ANPEP: variants seen among roughly 807,000 people sequenced by gnomAD.
The protein encoded by ANPEP is alanyl aminopeptidase, membrane.
Under a neutral mutation model 114.6 loss-of-function variants are expected in ANPEP, and 70 were observed. The observed-to-expected ratio is 0.61, with a 90% CI of 0.50 to 0.75. The LOEUF (loss-of-function observed/expected upper bound fraction) is 0.75, where lower values mean the gene tolerates loss of function less well. Among genes scored for constraint, ANPEP ranks in the 30% least tolerant of loss-of-function variants. The pLI is 0.00. For synonymous variants in ANPEP, 548 were observed against 522.3 expected, an observed-to-expected ratio of 1.05 and a Z score of -0.67; for missense variants, 1,184 against 1,259.5, an observed-to-expected ratio of 0.94 and a Z score of 0.91.
chr15:89,804,100 G>A (rs55977698), intron 6 of ANPEP, 98 bp from the exon 7 acceptor site: 115,438 of 1,545,588 alleles, frequency 0.075, 4,869 homozygotes, highest in Non-Finnish European at 0.085. Context: ...GCCAGGCACA[G>A]TGGGGATTTC....
At chr15:89,787,566 G>A (rs917399371) in intron 20 of ANPEP, among the ~76,000 whole-genome samples, 3 of 152,190 alleles carry the variant, frequency 2.0e-5, no homozygotes, top group African/African-American at 7.2e-5. Flanking sequence ...TGAGTGAAAA[G>A]ACAGTCCATA....
chr15:89,790,351 G>T, intron 20 of ANPEP, 109 bp downstream of exon 20: 1 of 917,260 alleles, frequency 1.1e-6, no homozygotes, highest in Non-Finnish European at 1.7e-6. Context: ...AGGAAGGCCT[G>T]GCGGCGTGGA....
intron 2 of ANPEP, 24 bp downstream of exon 2, chr15:89,805,946 C>T: frequency 3.2e-6 from 5 of 1,565,612 alleles, no homozygotes; most frequent in Non-Finnish European, 4.3e-6. Flanking sequence ...ATCCACCCCA[C>T]CGGGCAGCCC....
At chr15:89,786,930 G>A (rs555797784) in intron 20 of ANPEP, among the ~76,000 whole-genome samples, 13 of 151,894 alleles carry the variant, frequency 8.6e-5, no homozygotes, top group South Asian at 4.2e-4. Flanking sequence ...TTGGACAACC[G>A]GATATCCACA....
chr15:89,788,443 T>A lies in ANPEP; in HGVS notation c.2751+2017A>T, dbSNP rs139537400. On this transcript the variant is annotated intron_variant, in intron 20 of 20. Coordinates refer to ENST00000300060, the MANE Select transcript of ANPEP (RefSeq NM_001150.3). ...GTAATAAATCCATAGAGACAGAAAG[T>A]ATATTAGTGGTTGCCAGGGGCTGAG... is the stretch of plus-strand genomic sequence containing the variant. Among the ~76,000 whole-genome samples the A allele has an allele frequency of 2.2e-4, 33 of 152,206 alleles. No individual in the cohort carries two copies. In the East Asian group the frequency reaches 6.4e-3, roughly 29 times the overall value.
In ANPEP at chr15:89,803,293, G is replaced by A. The variant is rs200253292; in HGVS notation, c.1515C>T (p.His505=). ...VFKQGLASYL[H]TFAYQNTIYL... is the part of the protein sequence containing the mutation. Reference sequence around the variant, plus strand: ...AGATGGTGTTCTGGTAGGCAAAGGTGTGGAGGTAGGACTGTGGAAAGACGG... The same window carrying A: ...AGATGGTGTTCTGGTAGGCAAAGGTATGGAGGTAGGACTGTGGAAAGACGG... The change falls in exon 10 of 21, where the codon CAC becomes CAT. Residue 505 remains histidine (H), a synonymous_variant. Coordinates refer to ENST00000300060, the MANE Select transcript of ANPEP (RefSeq NM_001150.3). The surrounding 1 kb of genome is among the most constrained non-coding windows in gnomAD (Gnocchi z 4.2). The A allele has an allele frequency of 9.9e-6, 16 of 1,614,028 alleles. No homozygotes were observed. In the South Asian group the frequency reaches 1.3e-4, roughly 13 times the overall value.
At chr15:89,790,647 C>A (rs991298695) in intron 19 of ANPEP, 106 bp from the exon 20 acceptor site, 33 of 1,061,908 alleles carry the variant, frequency 3.1e-5, no homozygotes, top group Non-Finnish European at 4.7e-5. Context: ...GATGAAATGA[C>A]ACGCCCTGGG....
At chr15:89,796,281 CAT>C (rs758873300) in intron 15 of ANPEP, among the ~76,000 whole-genome samples, 5 of 152,188 alleles carry the variant, frequency 3.3e-5, no homozygotes, top group Admixed American at 6.5e-5. Flanking sequence ...AAAAAGGAAA[CAT>C]AAACATAGTG....
Position 89,805,186 on chromosome 15 carries a change from G to T in ANPEP, c.789C>A (p.Asn263Lys), listed in dbSNP as rs769028199. Reference protein sequence around the residue: ...GPSTPLPEDPNWNVTEFHTTP... With the variant: ...GPSTPLPEDPKWNVTEFHTTP... ...TGGTGTGGAACTCAGTGACATTCCAGTTGGGGTCTTCTGGAAGTGGGGTGC... is the reference window on the plus strand; with the variant it reads ...TGGTGTGGAACTCAGTGACATTCCATTTGGGGTCTTCTGGAAGTGGGGTGC... Residue 263 changes from asparagine to lysine, a missense_variant, in exon 4 of 21, where the codon AAC (asparagine) becomes AAA (lysine). Physicochemically the swap from Asn to Lys is moderately conservative, Grantham distance 94. Coordinates refer to ENST00000300060, the MANE Select transcript of ANPEP (RefSeq NM_001150.3). 1.9e-6 allele frequency: 3 copies of T among 1,614,232 alleles called. No individual in the cohort carries two copies. The highest frequency in any genetic ancestry group is 2.5e-6 in the Non-Finnish European group (3 of 1,180,042).
Position 89,804,311 on chromosome 15 carries a change from GAGGACAGGGGGTCGA to G in ANPEP, c.1106_1120del (p.Phe369_Ser373del), listed in dbSNP as rs1337584072. ...CACCCGCTCCTTGTTGCTGCTGGAG[GAGGACAGGGGGTCGA>G]ACAGCAGGGAGTTCTCCCGGTAGGT... On this transcript the variant is annotated inframe_deletion, in exon 6 of 21. Transcript: ENST00000300060. The G allele has an allele frequency of 1.9e-6, 3 of 1,614,070 alleles. No homozygotes were observed. Among genetic ancestry groups the G allele is most frequent in the Non-Finnish European group, 1.7e-6 (2 of 1,180,038 alleles).
At position 89,803,424 on chromosome 15, in the gene ANPEP, C is replaced by T. The variant is rs1354759576; in HGVS notation, c.1503+18G>A. On this transcript the variant is annotated intron_variant, in intron 9 of 20. Transcript: ENST00000300060. This position sits in a 1 kb window ranked among gnomAD's most constrained non-coding sequence, Gnocchi z 4.2. ...AAGGAGACCCACCCTCATGGCTGGC[C>T]CAGGGTGCAGTACTCACCGCCAGGC... The T allele has an allele frequency of 6.2e-7, 1 of 1,609,252 alleles. No homozygotes were observed. Among genetic ancestry groups the T allele is most frequent in the Admixed American group, 1.7e-5 (1 of 58,890 alleles).
intron 1 of ANPEP, among the ~76,000 whole-genome samples, chr15:89,807,317 C>T (rs1894735440): frequency 6.6e-6 from 1 of 152,254 alleles, no homozygotes; most frequent in Non-Finnish European, 1.5e-5. Context: ...GAACCTCTCT[C>T]CTCATAAATA....
intron 1 of ANPEP, among the ~76,000 whole-genome samples, chr15:89,811,407 G>C (rs1285129356): frequency 6.6e-6 from 1 of 152,094 alleles, no homozygotes; most frequent in Non-Finnish European, 1.5e-5. Flanking sequence ...TGCACTTCGG[G>C]AGGCTGAGGC....
chr15:89,806,025 C>T lies in ANPEP; in HGVS notation c.559G>A (p.Ala187Thr), dbSNP rs1303625448. ...CGGTAGAAGCCCGCCAGGTCATCTG[C>T]CAACTCCCCCTCGAACTCGCTGTCC... ...EMDSEFEGEL[A>T]DDLAGFYRSE... is the part of the protein sequence containing the mutation. Residue 187 changes from alanine to threonine, a missense_variant, in exon 2 of 21, where the codon GCA becomes ACA. By Grantham distance (58) the Ala-to-Thr change is moderately conservative (BLOSUM62 0). Coordinates refer to ENST00000300060, the MANE Select transcript of ANPEP (RefSeq NM_001150.3). The surrounding 1 kb of genome is among the most constrained non-coding windows in gnomAD (Gnocchi z 5.7). The T allele has an allele frequency of 2.5e-6, 4 of 1,610,624 alleles. No individual in the cohort carries two copies. The highest frequency in any genetic ancestry group is 3.4e-6 in the Non-Finnish European group (4 of 1,177,276).
chr15:89,811,002 C>T (rs1297652793), intron 1 of ANPEP, among the ~76,000 whole-genome samples: 2 of 152,248 alleles, frequency 1.3e-5, no homozygotes, highest in African/African-American at 2.4e-5. Context: ...CCCCAGGCAG[C>T]CCTCCAAGTG....
At position 89,792,191 on chromosome 15, in the gene ANPEP, C is replaced by T; in HGVS notation, c.2497G>A (p.Ala833Thr). 1 of 1,614,180 alleles carries T rather than the reference C, an allele frequency of 6.2e-7. No individual in the cohort carries two copies. Among genetic ancestry groups the T allele is most frequent in the Non-Finnish European group, 8.5e-7 (1 of 1,180,016 alleles). The change falls in exon 18 of 21, where the codon GCC (alanine) becomes ACC (threonine). Residue 833 changes from alanine to threonine, a missense_variant. Ala to Thr is a moderately conservative substitution (Grantham distance 58). Coordinates refer to ENST00000300060, the MANE Select transcript of ANPEP (RefSeq NM_001150.3). Reference sequence around the variant, plus strand: ...AGGATCCACAACTCTTTGCTGCAGGCCAGGGCTGCCCGGAGCTTGTCAGCC... The same window carrying T: ...AGGATCCACAACTCTTTGCTGCAGGTCAGGGCTGCCCGGAGCTTGTCAGCC... ...NEADKLRAAL[A>T]CSKELWILNR...
In ANPEP at chr15:89,785,521, T is replaced by G. The variant is rs1287035188; in HGVS notation, c.2752-20A>C. 4 of 1,600,476 alleles carry G rather than the reference T, an allele frequency of 2.5e-6. No homozygotes were observed. The highest frequency in any genetic ancestry group is 3.4e-6 in the Non-Finnish European group (4 of 1,177,162). On this transcript the variant is annotated intron_variant, in intron 20 of 20. Transcript: ENST00000300060. ...CTCCAGCTGCCAGAAAAACAAAAGA[T>G]TCTCAGTCCGGCTGGGTCCCTAACA... is the stretch of plus-strand genomic sequence containing the variant.
At chr15:89,792,641 C>T in intron 16 of ANPEP, 79 bp from the exon 17 acceptor site, 6 of 1,268,560 alleles carry the variant, frequency 4.7e-6, no homozygotes, top group Admixed American at 1.8e-5. Flanking sequence ...AACCCCAGGC[C>T]GGCACCCTGC....
chr15:89,786,685 C>A (rs1156828483), intron 20 of ANPEP, among the ~76,000 whole-genome samples: 1 of 150,548 alleles, frequency 6.6e-6, no homozygotes, highest in Non-Finnish European at 1.5e-5. Flanking sequence ...AGAGTGAGAC[C>A]CTTTCTCAAA....
Sources: gnomAD v4.1 joint callset for allele counts (sites outside exome capture counted in the v4.1 genomes callset) on GRCh38, gnomAD v4.1.1 for gene constraint, Gnocchi (gnomAD v3.1) non-coding constraint, MANE v1.5 for transcripts, NCBI Gene and HGNC (gene_info 2026-07-23, HGNC 2026-07-21) for gene names.